NKAIN3: variants seen among roughly 807,000 people sequenced by gnomAD.
The protein encoded by NKAIN3 is sodium/potassium-transporting ATPase subunit beta-1-interacting protein 3.
Under a neutral mutation model 30.2 loss-of-function variants are expected in NKAIN3, and 25 were observed. The ratio of observed to expected loss-of-function variants is 0.83; its 90% CI spans 0.60 to 1.16. NKAIN3 has a LOEUF of 1.16. NKAIN3 is among the 50% of genes most tolerant of loss of function. The pLI is 0.00. For synonymous variants in NKAIN3, 91 were observed against 89.6 expected (o/e 1.02, Z -0.09); for missense variants, 225 against 254.1 (o/e 0.89, Z 0.78).
intron 3 of NKAIN3, among the ~76,000 whole-genome samples, chr8:62,670,184 T>G (rs1047466134): frequency 3.3e-5 from 5 of 152,170 alleles, no homozygotes; most frequent in Non-Finnish European, 5.9e-5. Context: ...GCTCACGGAT[T>G]AAAGAAATCA....
At chr8:62,538,601 A>G (rs1050621254) in intron 1 of NKAIN3, among the ~76,000 whole-genome samples, 1 of 152,242 alleles carries the variant, frequency 6.6e-6, no homozygotes. Flanking sequence ...TTTCAGCCAC[A>G]TAATCAATTC....
rs1430023531 is a variant in NKAIN3, at chr8:62,629,940, G to A, written c.273+40146G>A. Among the ~76,000 whole-genome samples the A allele has an allele frequency of 2.6e-5, 4 of 152,008 alleles. No homozygotes were observed. In the East Asian group the frequency reaches 7.7e-4, roughly 29 times the overall value. On this transcript the variant is annotated intron_variant, in intron 3 of 6. Transcript: ENST00000623646. ...TTACTGTAGTCTCCACTTATCTGTG[G>A]TTTTACTTTCCATGGTTCCAGTTAC...
At chr8:62,989,236 G>A (rs533871414), downstream of NKAIN3, among the ~76,000 whole-genome samples, 27 of 152,202 alleles carry the variant, frequency 1.8e-4, no homozygotes, top group East Asian at 9.6e-4. Context: ...CCACATTTTC[G>A]GGTACCTTTA....
intron 1 of NKAIN3, among the ~76,000 whole-genome samples, chr8:62,496,570 T>A (rs1417311216): frequency 6.6e-6 from 1 of 152,150 alleles, no homozygotes; most frequent in Non-Finnish European, 1.5e-5. Context: ...TATGAAGTCA[T>A]CCTAGTGTCA....
chr8:62,673,644 C>A (rs1267663087), intron 3 of NKAIN3, among the ~76,000 whole-genome samples: 1 of 152,218 alleles, frequency 6.6e-6, no homozygotes, highest in Non-Finnish European at 1.5e-5. Context: ...AGTGTTCTTA[C>A]ACAAACCCAG....
intron 1 of NKAIN3, among the ~76,000 whole-genome samples, chr8:62,276,164 C>T (rs542018141): frequency 6.6e-6 from 1 of 152,270 alleles, no homozygotes; most frequent in East Asian, 1.9e-4. Flanking sequence ...CTCCTGGGCT[C>T]ACGCGATTCT....
chr8:62,409,821 A>G (rs923877325), intron 1 of NKAIN3, among the ~76,000 whole-genome samples: 4 of 151,974 alleles, frequency 2.6e-5, no homozygotes, highest in Non-Finnish European at 4.4e-5. Flanking sequence ...AGAAGATTTT[A>G]TATTGTGCTC....
At chr8:62,844,889 C>T (rs911889984) in intron 4 of NKAIN3, among the ~76,000 whole-genome samples, 4 of 151,954 alleles carry the variant, frequency 2.6e-5, no homozygotes, top group African/African-American at 4.8e-5. Flanking sequence ...ATCACCAACA[C>T]GAATCATACT....
At chr8:62,329,821 G>T (rs1049047908) in intron 1 of NKAIN3, among the ~76,000 whole-genome samples, 14 of 152,056 alleles carry the variant, frequency 9.2e-5, no homozygotes, top group African/African-American at 3.1e-4. Context: ...GTGTCTTTAT[G>T]AGAGAATGAA....
chr8:62,772,292 C>A (rs1817041172), intron 4 of NKAIN3, among the ~76,000 whole-genome samples: 1 of 152,152 alleles, frequency 6.6e-6, no homozygotes. Context: ...ACCACATTTT[C>A]TTTATCCATT....
chr8:62,308,446 T>A (rs185308599), intron 1 of NKAIN3, among the ~76,000 whole-genome samples: 1 of 150,686 alleles, frequency 6.6e-6, no homozygotes, highest in Admixed American at 6.6e-5. Flanking sequence ...TGTGTGGTGA[T>A]GTGAGGACTT....
intron 1 of NKAIN3, among the ~76,000 whole-genome samples, chr8:62,418,314 C>T (rs570759523): frequency 6.6e-6 from 1 of 152,138 alleles, no homozygotes; most frequent in African/African-American, 2.4e-5. Context: ...AACTCAGCTA[C>T]TTGAGTGTCC....
At chr8:62,420,738 CTG>C (rs1392910784) in intron 1 of NKAIN3, among the ~76,000 whole-genome samples, 3 of 151,944 alleles carry the variant, frequency 2.0e-5, no homozygotes, top group Non-Finnish European at 4.4e-5. Flanking sequence ...AATAAATAAT[CTG>C]TATATTATAA....
In NKAIN3 at chr8:62,968,265, C is replaced by T. The variant is rs1002865445; in HGVS notation, c.*2858C>T. Among the ~76,000 whole-genome samples the T allele has an allele frequency of 1.3e-5, 2 of 152,176 alleles. No homozygotes were observed. The highest frequency in any genetic ancestry group is 2.9e-5 in the Non-Finnish European group (2 of 68,030). Reference sequence around the variant, plus strand: ...TGCAGAGTTGTACAGTAATACTTGGCAATTACCCGTTAATCTGGGTAATTC... The same window carrying T: ...TGCAGAGTTGTACAGTAATACTTGGTAATTACCCGTTAATCTGGGTAATTC... On this transcript the variant is annotated 3_prime_UTR_variant, in exon 7 of 7. Coordinates refer to ENST00000623646, the MANE Select transcript of NKAIN3 (RefSeq NM_001304533.3).
chr8:62,829,917 A>G (rs1173262054), intron 4 of NKAIN3, among the ~76,000 whole-genome samples: 1 of 152,208 alleles, frequency 6.6e-6, no homozygotes, highest in East Asian at 1.9e-4. Flanking sequence ...GAAAGAGAGA[A>G]AGAGAGAAAA....
intron 4 of NKAIN3, among the ~76,000 whole-genome samples, chr8:62,801,814 C>A (rs1010020901): frequency 4.6e-5 from 7 of 152,284 alleles, no homozygotes; most frequent in African/African-American, 1.7e-4. Context: ...GACAATCAAA[C>A]TACTCCGAGT....
chr8:62,615,129 C>T (rs1432099439), intron 3 of NKAIN3, among the ~76,000 whole-genome samples: 1 of 151,292 alleles, frequency 6.6e-6, no homozygotes, highest in Non-Finnish European at 1.5e-5. Flanking sequence ...AGCCAGCAAG[C>T]CTCAGAGGCT....
chr8:62,256,706 G>T (rs1194633704), intron 1 of NKAIN3, among the ~76,000 whole-genome samples: 2 of 152,172 alleles, frequency 1.3e-5, no homozygotes, highest in Non-Finnish European at 2.9e-5. Context: ...AGTCCAGATA[G>T]AAGCCCCAGG....
At chr8:62,524,586 C>T (rs1477267606) in intron 1 of NKAIN3, among the ~76,000 whole-genome samples, 1 of 152,098 alleles carries the variant, frequency 6.6e-6, no homozygotes, top group Non-Finnish European at 1.5e-5. Flanking sequence ...TGAGTGGTTT[C>T]CTCAGCCTTG....
Sources: gnomAD v4.1 joint callset for allele counts (sites outside exome capture counted in the v4.1 genomes callset) on GRCh38, gnomAD v4.1.1 for gene constraint, MANE v1.5 for transcripts, NCBI Gene and HGNC (gene_info 2026-07-23, HGNC 2026-07-21) for gene names.